Variants in TP53BP1 observed in about 807,000 individuals in gnomAD.
TP53BP1 encodes the protein TP53-binding protein 1.
TP53BP1 carries 61 observed loss-of-function variants against 200.8 expected under a neutral mutation model. The ratio of observed to expected loss-of-function variants is 0.30; its 90% CI spans 0.25 to 0.38. TP53BP1 has a LOEUF of 0.38. Ranked by LOEUF, TP53BP1 falls within the 10% of genes least tolerant of loss-of-function variation. The probability of loss-of-function intolerance (pLI) is 1.00; values close to 1 mark genes in which losing one functional copy is unlikely to be tolerated. For missense variants in TP53BP1, 2,144 were observed against 2,371.9 expected, an observed-to-expected ratio of 0.90 and a Z score of 2.00; for synonymous variants, 822 against 844.3, an observed-to-expected ratio of 0.97 and a Z score of 0.46.
At chr15:43,503,713 CA>C (rs1200226303) in intron 1 of TP53BP1, among the ~76,000 whole-genome samples, 3 of 152,070 alleles carry the variant, frequency 2.0e-5, no homozygotes, top group Non-Finnish European at 4.4e-5. Context: ...TCTCCTTCCA[CA>C]GATGTCAGGC....
At chr15:43,495,219 GC>G (rs2079174593), upstream of TP53BP1, among the ~76,000 whole-genome samples, 1 of 151,756 alleles carries the variant, frequency 6.6e-6, no homozygotes, top group Admixed American at 6.6e-5. Flanking sequence ...CCTAAAAACC[GC>G]CAGGCGCAGT....
chr15:43,407,977 A>G lies in TP53BP1; in HGVS notation c.5712T>C (p.Ser1904=), dbSNP rs1309219840. The change falls in exon 27 of 28, where the codon TCT becomes TCC. Residue 1904 remains serine, a synonymous_variant. Transcript: ENST00000382044. ...SEILMTGGAA[S]VKQHHSSAHN... The stretch of plus-strand genomic sequence containing the variant: ...GGGCACTTGAATGGTGCTGCTTCAC[A>G]GAGGCTGCACCACCAGTCATGAGGA... 3 of 1,613,884 alleles carry G rather than the reference A, an allele frequency of 1.9e-6. No individual in the cohort carries two copies. The Admixed American group carries it at 5.0e-5, about 27-fold the overall frequency.
Position 43,406,803 on chromosome 15 carries a change from G to A in TP53BP1, c.*580C>T, listed in dbSNP as rs2044907700. The A allele has an allele frequency of 7.4e-5, 26 of 349,208 alleles. No individual in the cohort carries two copies. Among genetic ancestry groups the A allele is most frequent in the South Asian group, 5.6e-4 (24 of 42,590 alleles). The allele number at this position is 349,208 out of a possible 1,614,324, so 21.6% of individuals were successfully genotyped here. On this transcript the variant is annotated 3_prime_UTR_variant, in exon 28 of 28. Transcript: ENST00000382044. ...ATCTTACGGAAGGTCATTCCATCAA[G>A]CTTATGGTCACTGTCCCTTCATGGC... is the stretch of plus-strand genomic sequence containing the variant.
Position 43,456,248 on chromosome 15 carries a change from G to C in TP53BP1, c.2360C>G (p.Ser787Ter). 6.2e-7 allele frequency: 1 copy of C among 1,614,148 alleles called. No homozygotes were observed. Among genetic ancestry groups the C allele is most frequent in the Non-Finnish European group, 8.5e-7 (1 of 1,180,048 alleles). The change falls in exon 12 of 28, where the codon TCA becomes TGA. Residue 787 changes from serine (S) to a stop codon, truncating the protein, a stop_gained. Coordinates refer to ENST00000382044, the MANE Select transcript of TP53BP1 (RefSeq NM_001141980.3). LOFTEE classifies it high-confidence loss of function. Reference protein sequence around the residue: ...CEPLEGVEKCSDSQSWEDIAP... With the variant: ...CEPLEGVEKC ...AATATCCTCCCATGACTGGGAATCT[G>C]AGCACTTCTCCACTCCCTCCAAAGG... is the stretch of plus-strand genomic sequence containing the variant.
At chr15:43,432,041 T>C (rs1411585410) in intron 17 of TP53BP1, among the ~76,000 whole-genome samples, 153 bp downstream of exon 17, 1 of 152,236 alleles carries the variant, frequency 6.6e-6, no homozygotes, top group African/African-American at 2.4e-5. Context: ...CTACCATATC[T>C]GTATCTTAGA....
chr15:43,408,713 T>C (rs1330419354), intron 26 of TP53BP1, 184 bp downstream of exon 26: 25 of 610,082 alleles, frequency 4.1e-5, no homozygotes, highest in Non-Finnish European at 6.6e-5. Context: ...TGCAAAAGGT[T>C]CCTAGCCAAT....
chr15:43,411,521 A>G (rs1273979494), intron 24 of TP53BP1, among the ~76,000 whole-genome samples: 5 of 152,384 alleles, frequency 3.3e-5, no homozygotes, highest in African/African-American at 1.2e-4. Flanking sequence ...CAGTTTCTTA[A>G]AAACTATAAT....
At position 43,413,122 on chromosome 15, in the gene TP53BP1, C is replaced by T. The variant is rs147257672; in HGVS notation, c.5302G>A (p.Glu1768Lys). The part of the protein sequence containing the change: ...DGPTGSSEEE[E>K]EFLEIPPFNK... Reference sequence around the variant, plus strand: ...CCAGGGCTTCCTAAGGCCTTACCCTCCTCTTCTTCACTGCTTCCTGTAGGA... The same window carrying T: ...CCAGGGCTTCCTAAGGCCTTACCCTTCTCTTCTTCACTGCTTCCTGTAGGA... Residue 1768 changes from glutamate (E) to lysine (K), a missense_variant, in exon 24 of 28, where the codon GAG (glutamate) becomes AAG (lysine). By Grantham distance (56) the Glu-to-Lys change is moderately conservative. Transcript: ENST00000382044. 6.2e-7 allele frequency: 1 copy of T among 1,614,056 alleles called. No homozygotes were observed. The highest frequency in any genetic ancestry group is 8.5e-7 in the Non-Finnish European group (1 of 1,180,026).
Position 43,432,583 on chromosome 15 carries a change from T to G in TP53BP1, c.3286A>C (p.Lys1096Gln). The change falls in exon 17 of 28, where the codon AAG (lysine) becomes CAG (glutamine). Residue 1096 changes from lysine to glutamine, a missense_variant. Physicochemically the swap from Lys to Gln is moderately conservative, Grantham distance 53. This residue lies in a region of TP53BP1 where 1,700 missense variants were observed against 1,710.3 expected (regional missense o/e 0.99). Transcript: ENST00000382044. ...HTIRQSQQPM[K>Q]PISPVKDPVS... Reference sequence around the variant, plus strand: ...GGGTCCTTGACAGGACTAATGGGCTTCATAGGCTGTTGACTCTGCCTGATT... The same window carrying G: ...GGGTCCTTGACAGGACTAATGGGCTGCATAGGCTGTTGACTCTGCCTGATT... 6.2e-7 allele frequency: 1 copy of G among 1,614,162 alleles called. No individual in the cohort carries two copies. The highest frequency in any genetic ancestry group is 8.5e-7 in the Non-Finnish European group (1 of 1,180,010).
intron 21 of TP53BP1, among the ~76,000 whole-genome samples, chr15:43,417,902 G>A (rs761885640): frequency 6.6e-6 from 1 of 152,146 alleles, no homozygotes; most frequent in Non-Finnish European, 1.5e-5. Context: ...TTTTCCAGCC[G>A]GGAGCAGTGG....
chr15:43,419,174 T>C (rs2045334088), intron 21 of TP53BP1, among the ~76,000 whole-genome samples: 2 of 152,102 alleles, frequency 1.3e-5, no homozygotes, highest in African/African-American at 4.8e-5. Flanking sequence ...GAGCCTAGAT[T>C]GCGCCACTGC....
chr15:43,503,867 G>A (rs1263646600), intron 1 of TP53BP1, among the ~76,000 whole-genome samples: 1 of 152,176 alleles, frequency 6.6e-6, no homozygotes, highest in Non-Finnish European at 1.5e-5. Context: ...GAAAAAAAGG[G>A]TGGTTGGTTC....
chr15:43,483,563 A>G (rs2079005050), intron 4 of TP53BP1, among the ~76,000 whole-genome samples: 1 of 152,224 alleles, frequency 6.6e-6, no homozygotes, highest in Non-Finnish European at 1.5e-5. Flanking sequence ...TTTCATAAAA[A>G]GAGCATTAAG....
At position 43,421,191 on chromosome 15, in the gene TP53BP1, A is replaced by G. The variant is rs771234175; in HGVS notation, c.4101-17T>C. ...TTTCTAGGACTAGAGAATGAAGACA[A>G]GTTAGTCTGATAGCACCTGCTACTG... On this transcript the variant is annotated splice_polypyrimidine_tract_variant and intron_variant, in intron 19 of 27. Coordinates refer to ENST00000382044, the MANE Select transcript of TP53BP1 (RefSeq NM_001141980.3). The G allele has an allele frequency of 6.2e-7, 1 of 1,613,204 alleles. No homozygotes were observed. Among genetic ancestry groups the G allele is most frequent in the Non-Finnish European group, 8.5e-7 (1 of 1,179,516 alleles).
chr15:43,507,878 C>A (rs1434156398), intron 1 of TP53BP1, among the ~76,000 whole-genome samples: 1 of 152,026 alleles, frequency 6.6e-6, no homozygotes, highest in Non-Finnish European at 1.5e-5. Context: ...CCACACCCGG[C>A]TAATTTTTGT....
intron 5 of TP53BP1, 49 bp downstream of exon 5, chr15:43,480,846 T>C: frequency 6.2e-7 from 1 of 1,602,582 alleles, no homozygotes; most frequent in Non-Finnish European, 8.5e-7. Context: ...ACAATCATGT[T>C]AAAGGGAAGT....
chr15:43,406,450 T>G lies in TP53BP1; in HGVS notation c.*933A>C. Reference sequence around the variant, plus strand: ...AGCTGGCAAACTATGGCCTGCTGTCTGTTTTTGTACAGTTTTACTGAAACA... The same window carrying G: ...AGCTGGCAAACTATGGCCTGCTGTCGGTTTTTGTACAGTTTTACTGAAACA... On this transcript the variant is annotated 3_prime_UTR_variant, in exon 28 of 28. Coordinates refer to ENST00000382044, the MANE Select transcript of TP53BP1 (RefSeq NM_001141980.3). The G allele has an allele frequency of 2.8e-6, 1 of 353,790 alleles. No homozygotes were observed. The highest frequency in any genetic ancestry group is 5.6e-6 in the Non-Finnish European group (1 of 178,370). 21.9% of individuals were successfully genotyped at this position (353,790 alleles called of 1,614,324 possible).
At chr15:43,430,831 T>C (rs757979425) in intron 17 of TP53BP1, among the ~76,000 whole-genome samples, 14 of 152,222 alleles carry the variant, frequency 9.2e-5, no homozygotes, top group Admixed American at 2.6e-4. Context: ...ATTTCATGGA[T>C]AGATTTGTTC....
chr15:43,436,620 G>A (rs374814846), intron 16 of TP53BP1, among the ~76,000 whole-genome samples: 39 of 149,996 alleles, frequency 2.6e-4, no homozygotes, highest in African/African-American at 9.5e-4. Flanking sequence ...GACCACAAGC[G>A]CATGCCACCA....
Sources: allele counts gnomAD v4.1 joint callset (sites outside exome capture counted in the v4.1 genomes callset), GRCh38; gene constraint gnomAD v4.1.1; regional missense constraint gnomAD v4.1.1; transcripts MANE v1.5; gene names NCBI Gene and HGNC (gene_info 2026-07-23, HGNC 2026-07-21).